EFHB: variants seen among roughly 807,000 people sequenced by gnomAD.
The protein encoded by EFHB is EF-hand domain family member B.
A neutral mutation model predicts 87.2 loss-of-function variants in EFHB; 91 were observed. That is an observed-to-expected ratio of 1.04 (90% CI 0.88 to 1.24). The LOEUF (loss-of-function observed/expected upper bound fraction) is 1.24. EFHB is among the 50% of genes most tolerant of loss of function. The probability of loss-of-function intolerance (pLI) is 0.00; values close to 1 mark genes in which losing one functional copy is unlikely to be tolerated. For missense variants in EFHB, 1,084 were observed against 998.8 expected (o/e 1.09, Z -1.15); for synonymous variants, 325 against 333.6 (o/e 0.97, Z 0.28).
Position 19,934,029 on chromosome 3 carries a change from T to C in EFHB, c.-11A>G, listed in dbSNP as rs764077307. 6 of 1,581,350 alleles carry C rather than the reference T, an allele frequency of 3.8e-6. No homozygotes were observed. In the Admixed American group the frequency reaches 1.1e-4, roughly 29 times the overall value. ...AATCTCCATGTTCATGGACGATTTC[T>C]CCCCATTCTCATTTCTCCAAGAGCG... is the stretch of plus-strand genomic sequence containing the variant. On this transcript the variant is annotated 5_prime_UTR_variant, in exon 1 of 13. Coordinates refer to ENST00000295824, the MANE Select transcript of EFHB (RefSeq NM_144715.4).
At chr3:19,904,065 A>C (rs986102211) in intron 6 of EFHB, among the ~76,000 whole-genome samples, 3 of 152,212 alleles carry the variant, frequency 2.0e-5, no homozygotes, top group African/African-American at 7.2e-5. Flanking sequence ...AATAGGCAAG[A>C]GTGAGGCAGG....
Position 19,897,501 on chromosome 3 carries a change from T to C in EFHB, c.1571-660A>G, listed in dbSNP as rs138475419. 5.1e-3 allele frequency among the ~76,000 whole-genome samples: 771 copies of C among 152,224 alleles called. 4 individuals are homozygous for C. The highest frequency in any genetic ancestry group is 0.017 in the African/African-American group (723 of 41,556). On this transcript the variant is annotated intron_variant, in intron 8 of 12. Coordinates refer to ENST00000295824, the MANE Select transcript of EFHB (RefSeq NM_144715.4). ...AGAGGAGACCTCCTGCCTCTCTTCA[T>C]TTTCCCTGGCGTACACACATCTCCC...
intron 1 of EFHB, chr3:19,943,029 C>A: frequency 3.2e-6 from 1 of 316,672 alleles, no homozygotes; most frequent in African/African-American, 2.2e-5. Flanking sequence ...ACATTATTCA[C>A]TACCATGAAG....
chr3:19,941,194 G>T (rs1696149392), intron 1 of EFHB: 3 of 359,604 alleles, frequency 8.3e-6, no homozygotes, highest in South Asian at 3.4e-5. Context: ...ATGAATCTGT[G>T]ACTTGTCTAG....
intron 6 of EFHB, among the ~76,000 whole-genome samples, chr3:19,902,193 A>G (rs553162341): frequency 6.6e-6 from 1 of 152,302 alleles, no homozygotes; most frequent in South Asian, 2.1e-4. Flanking sequence ...TTTGTGTGCC[A>G]GTGAATTCAT....
In EFHB at chr3:19,933,931, A is replaced by T. The variant is rs1320693300; in HGVS notation, c.88T>A (p.Leu30Met). 3.7e-6 allele frequency: 6 copies of T among 1,613,528 alleles called. No homozygotes were observed. Among genetic ancestry groups the T allele is most frequent in the East Asian group, 4.5e-5 (2 of 44,844 alleles). ...TTTCCTAATCCTACTCTGATCCCCAACTCCATGGGAAATTTTGTTCCCATG... is the reference window on the plus strand; with the variant it reads ...TTTCCTAATCCTACTCTGATCCCCATCTCCATGGGAAATTTTGTTCCCATG... ...VIMGTKFPME[L>M]GIRVGLGKED... is the part of the protein sequence containing the mutation. Residue 30 changes from leucine to methionine, a missense_variant, in exon 1 of 13, where the codon TTG becomes ATG. Leu to Met is a conservative substitution (Grantham distance 15). Transcript: ENST00000295824.
upstream of EFHB, among the ~76,000 whole-genome samples, chr3:19,934,461 G>C (rs1458342146): frequency 2.4e-5 from 3 of 124,664 alleles, no homozygotes; most frequent in African/African-American, 9.4e-5. Flanking sequence ...CTCTCTGTGT[G>C]TCTCTCTCTC....
upstream of EFHB, among the ~76,000 whole-genome samples, chr3:19,938,311 A>G (rs1292206920): frequency 2.0e-5 from 3 of 152,208 alleles, no homozygotes; most frequent in Non-Finnish European, 4.4e-5. Flanking sequence ...TACTCTTAAG[A>G]CGCTTGCATT....
chr3:19,889,086 A>G (rs1308896649), intron 9 of EFHB, among the ~76,000 whole-genome samples: 1 of 152,254 alleles, frequency 6.6e-6, no homozygotes, highest in Non-Finnish European at 1.5e-5. Context: ...TCTGATGGTC[A>G]GCCCCATTGA....
At chr3:19,886,929 A>G (rs920920927) in intron 10 of EFHB, among the ~76,000 whole-genome samples, 1 of 152,196 alleles carries the variant, frequency 6.6e-6, no homozygotes, top group Non-Finnish European at 1.5e-5. Flanking sequence ...TTTTTGAGAT[A>G]TGATCATTAT....
chr3:19,922,437 G>A (rs1695468062), intron 1 of EFHB, among the ~76,000 whole-genome samples: 1 of 152,158 alleles, frequency 6.6e-6, no homozygotes, highest in African/African-American at 2.4e-5. Flanking sequence ...GCCAAACTGT[G>A]GATGTGTTTT....
rs988792045 is a variant in EFHB at position 19,888,574 on chromosome 3, G to A, written c.1803C>T (p.Leu601=). The A allele has an allele frequency of 5.6e-6, 9 of 1,602,942 alleles. No individual in the cohort carries two copies. Among genetic ancestry groups the A allele is most frequent in the Non-Finnish European group, 7.7e-6 (9 of 1,174,236 alleles). The change falls in exon 10 of 13, where the codon CTC becomes CTT. Residue 601 remains leucine, a synonymous_variant. Transcript: ENST00000295824. ...CACAGTAGTCAAATAGCTGGTCCAG[G>A]AGCTTGTCATCTAAACTCAAGTTGG... The part of the protein sequence containing the change: ...DQANLSLDDK[L]LDQLFDYCDV...
At chr3:19,925,812 T>A (rs1575042125) in intron 1 of EFHB, among the ~76,000 whole-genome samples, 1 of 152,238 alleles carries the variant, frequency 6.6e-6, no homozygotes, top group East Asian at 1.9e-4. Context: ...CACCTTCCAC[T>A]CTTCAAACTC....
upstream of EFHB, among the ~76,000 whole-genome samples, chr3:19,934,915 T>A (rs2931379): frequency 3.0e-4 from 6 of 20,218 alleles, no homozygotes; most frequent in South Asian, 1.7e-3. Context: ...TTTAAAGTAA[T>A]TTTTTTTTTT....
chr3:19,942,942 G>A, intron 1 of EFHB: 1 of 202,308 alleles, frequency 4.9e-6, no homozygotes. Flanking sequence ...ACCAGTCCAT[G>A]GCCCTAGAGG....
At chr3:19,905,314 T>C (rs2931395) in intron 6 of EFHB, among the ~76,000 whole-genome samples, 4,514 of 152,224 alleles carry the variant, frequency 0.03, 91 homozygotes, top group Middle Eastern at 0.058. Context: ...TGAAAGTCCA[T>C]TATATTTAAG....
intron 5 of EFHB, among the ~76,000 whole-genome samples, chr3:19,907,538 T>C (rs1292286164): frequency 6.6e-6 from 1 of 152,186 alleles, no homozygotes; most frequent in East Asian, 1.9e-4. Flanking sequence ...TGTTTTGCAC[T>C]TGTTCTCACT....
In EFHB at chr3:19,894,294, T is replaced by C. The variant is rs370386288; in HGVS notation, c.1725+2393A>G. Among the ~76,000 whole-genome samples the C allele has an allele frequency of 2.4e-4, 37 of 152,318 alleles. No individual in the cohort carries two copies. The South Asian group carries it at 4.4e-3, about 18-fold the overall frequency. The stretch of plus-strand genomic sequence containing the variant: ...TTCTAGCTACCATTGTGATGTCAAC[T>C]GGCTTGTAAGCTTGCTGCAAATTTA... On this transcript the variant is annotated intron_variant, in intron 9 of 12. Transcript: ENST00000295824.
intron 12 of EFHB, among the ~76,000 whole-genome samples, chr3:19,882,043 A>ATAAT (rs2071689065): frequency 7.1e-6 from 1 of 140,840 alleles, no homozygotes; most frequent in African/African-American, 2.9e-5. Flanking sequence ...AAATAAATAA[A>ATAAT]TAAATAAATA....
Sources: gnomAD v4.1 joint callset for allele counts (sites outside exome capture counted in the v4.1 genomes callset) on GRCh38, gnomAD v4.1.1 for gene constraint, MANE v1.5 for transcripts, NCBI Gene and HGNC (gene_info 2026-07-23, HGNC 2026-07-21) for gene names.